The following AQP8 variants were observed in gnomAD, a reference collection of about 807,000 sequenced individuals.
AQP8 encodes the protein aquaporin-8.
In AQP8, 14 loss-of-function variants were observed where a neutral mutation model predicts 26.1. That is an observed-to-expected ratio of 0.54 (90% CI 0.35 to 0.84). The LOEUF (loss-of-function observed/expected upper bound fraction) is 0.84. Among genes scored for constraint, AQP8 ranks in the 40% least tolerant of loss-of-function variants. AQP8 has a pLI of 0.01. For synonymous variants in AQP8, 131 were observed against 150.7 expected (o/e 0.87, Z 0.96); for missense variants, 301 against 340.5 (o/e 0.88, Z 0.91).
intron 4 of AQP8, among the ~76,000 whole-genome samples, chr16:25,225,439 G>A (rs1410311578): frequency 6.6e-6 from 1 of 150,872 alleles, no homozygotes; most frequent in Non-Finnish European, 1.5e-5. Flanking sequence ...ATGCTTTGCT[G>A]CCCCCTAGTG....
chr16:25,217,120 T>A, intron 1 of AQP8, 63 bp downstream of exon 1: 1 of 1,613,648 alleles, frequency 6.2e-7, no homozygotes, highest in Non-Finnish European at 8.5e-7. Flanking sequence ...GTGAATTAAT[T>A]CAAGGTTGGG....
intron 4 of AQP8, among the ~76,000 whole-genome samples, chr16:25,226,032 A>C (rs1962628579): frequency 6.6e-6 from 1 of 152,158 alleles, no homozygotes; most frequent in Non-Finnish European, 1.5e-5. Flanking sequence ...GGAGGTTCCC[A>C]CACCTAGAAC....
At position 25,227,208 on chromosome 16, in the gene AQP8, A is replaced by C. The variant is rs1053954872; in HGVS notation, c.737+6A>C. ...CTTGTTGGACTGCTCATTAGGTAGG[A>C]GTGTGACACAGGGTCACCGGCCCAT... On this transcript the variant is annotated splice_donor_region_variant and intron_variant, in intron 5 of 5. Transcript: ENST00000219660. 5 of 1,614,070 alleles carry C rather than the reference A, an allele frequency of 3.1e-6. No homozygotes were observed. In the East Asian group the frequency reaches 6.7e-5, roughly 22 times the overall value.
intron 3 of AQP8, among the ~76,000 whole-genome samples, chr16:25,223,292 T>C (rs2141343402): frequency 6.6e-6 from 1 of 152,380 alleles, no homozygotes; most frequent in East Asian, 1.9e-4. Context: ...CGATCGCCCA[T>C]AGAAATAATT....
At chr16:25,220,508 C>T (rs1450085311) in intron 2 of AQP8, among the ~76,000 whole-genome samples, 1 of 152,144 alleles carries the variant, frequency 6.6e-6, no homozygotes, top group Admixed American at 6.5e-5. Flanking sequence ...GGTGGCTGAT[C>T]AACTGCAACC....
At chr16:25,222,734 G>A (rs1420120190) in intron 3 of AQP8, among the ~76,000 whole-genome samples, 1 of 152,066 alleles carries the variant, frequency 6.6e-6, no homozygotes, top group Non-Finnish European at 1.5e-5. Context: ...GTCTGAAGCT[G>A]TAAGTGCTGA....
rs1261923666 is a variant in AQP8 at position 25,228,470 on chromosome 16, G to A, written c.764G>A (p.Arg255His). 6 of 1,613,986 alleles carry A rather than the reference G, an allele frequency of 3.7e-6. No homozygotes were observed. The highest frequency in any genetic ancestry group is 1.7e-5 in the Admixed American group (1 of 60,012). ...IRCFIGDGKTRLILKAR is the reference protein window; with the variant it reads ...IRCFIGDGKTHLILKAR ...TGCTTCATTGGAGATGGGAAGACCC[G>A]CCTCATCCTGAAGGCTCGGTGAAGC... Residue 255 changes from arginine to histidine, a missense_variant, in exon 6 of 6, where the codon CGC becomes CAC. Coordinates refer to ENST00000219660, the MANE Select transcript of AQP8 (RefSeq NM_001169.3).
chr16:25,222,900 C>T (rs1485625598), intron 3 of AQP8, among the ~76,000 whole-genome samples: 1 of 152,252 alleles, frequency 6.6e-6, no homozygotes, highest in Non-Finnish European at 1.5e-5. Flanking sequence ...AGTGGCCAGA[C>T]TCGAGCTCAA....
chr16:25,223,314 T>C (rs559151880), intron 3 of AQP8, among the ~76,000 whole-genome samples: 17 of 152,362 alleles, frequency 1.1e-4, no homozygotes, highest in African/African-American at 3.8e-4. Flanking sequence ...AGCTCAGGCT[T>C]CAGGGCTCTC....
At chr16:25,225,655 C>T (rs527817985) in intron 4 of AQP8, among the ~76,000 whole-genome samples, 11 of 152,026 alleles carry the variant, frequency 7.2e-5, no homozygotes, top group South Asian at 4.2e-4. Flanking sequence ...ATGATCCGCC[C>T]GCCTTGGCCT....
In AQP8 at chr16:25,221,566, G is replaced by A. The variant is rs139054676; in HGVS notation, c.370G>A (p.Gly124Arg). 4.3e-6 allele frequency: 7 copies of A among 1,613,896 alleles called. No homozygotes were observed. Among genetic ancestry groups the A allele is most frequent in the African/African-American group, 1.3e-5 (1 of 74,886 alleles). The change falls in exon 3 of 6, where the codon GGG becomes AGG. Residue 124 changes from glycine to arginine, a missense_variant. Gly to Arg is a moderately radical substitution (Grantham distance 125, BLOSUM62 -2). Coordinates refer to ENST00000219660, the MANE Select transcript of AQP8 (RefSeq NM_001169.3). ...WVSQLLGGMLGAALAKAVSPE... is the reference protein window; with the variant it reads ...WVSQLLGGMLRAALAKAVSPE... Reference sequence around the variant, plus strand: ...CTCACAGCTGCTCGGGGGGATGCTCGGGGCTGCCTTGGCCAAGGTGGGTAA... The same window carrying A: ...CTCACAGCTGCTCGGGGGGATGCTCAGGGCTGCCTTGGCCAAGGTGGGTAA...
intron 2 of AQP8, among the ~76,000 whole-genome samples, chr16:25,217,829 G>A (rs1177523335): frequency 6.6e-6 from 1 of 151,728 alleles, no homozygotes. Flanking sequence ...TGCCTGGCTG[G>A]CAAGTTACTC....
chr16:25,220,039 A>C (rs528935181), intron 2 of AQP8, among the ~76,000 whole-genome samples: 22 of 151,918 alleles, frequency 1.4e-4, no homozygotes, highest in Middle Eastern at 3.4e-3. Context: ...TGTCTCAAAA[A>C]AAAAAACAAA....
At position 25,225,331 on chromosome 16, in the gene AQP8, C is replaced by G. The variant is rs186381873; in HGVS notation, c.602+755C>G. On this transcript the variant is annotated intron_variant, in intron 4 of 5. Coordinates refer to ENST00000219660, the MANE Select transcript of AQP8 (RefSeq NM_001169.3). ...CTGACTCTTTCCTTTCTTTTGGACA[C>G]AGAACCAAGTCTAACCTTTCTCCTG... Among the ~76,000 whole-genome samples the G allele has an allele frequency of 2.9e-3, 448 of 152,296 alleles. 2 individuals are homozygous for G. Among genetic ancestry groups the G allele is most frequent in the Middle Eastern group, 0.02 (6 of 294 alleles).
rs1332980013 is a variant in AQP8 at position 25,224,476 on chromosome 16, C to G, written c.502C>G (p.Leu168Val). The change falls in exon 4 of 6, where the codon CTG (leucine) becomes GTG (valine). Residue 168 changes from leucine to valine, a missense_variant. Leu to Val is a conservative substitution (Grantham distance 32). Transcript: ENST00000219660. ...GGCAGAGATCATCCTGACGACGCTGCTGGCCCTGGCTGTATGCATGGGTGC... is the reference window on the plus strand; with the variant it reads ...GGCAGAGATCATCCTGACGACGCTGGTGGCCCTGGCTGTATGCATGGGTGC... ...LVAEIILTTL[L>V]ALAVCMGAIN... The G allele has an allele frequency of 6.2e-7, 1 of 1,614,142 alleles. No homozygotes were observed. Among genetic ancestry groups the G allele is most frequent in the Admixed American group, 1.7e-5 (1 of 60,022 alleles).
chr16:25,225,951 T>C lies in AQP8; in HGVS notation c.603-1117T>C, dbSNP rs182954416. On this transcript the variant is annotated intron_variant, in intron 4 of 5. Transcript: ENST00000219660. ...TTCGAGGTGTGGGCTCCATTTGCAT[T>C]TTCTCATTCACTCCTGATGACAACC... Among the ~76,000 whole-genome samples the C allele has an allele frequency of 3.0e-4, 46 of 152,342 alleles. No individual in the cohort carries two copies. In the East Asian group the frequency reaches 6.2e-3, roughly 20 times the overall value.
intron 3 of AQP8, among the ~76,000 whole-genome samples, chr16:25,221,818 A>G (rs1240053895): frequency 6.6e-6 from 1 of 152,014 alleles, no homozygotes; most frequent in East Asian, 1.9e-4. Flanking sequence ...CCCAGGCTGG[A>G]GTGCAGTGGC....
At chr16:25,228,092 C>T (rs879725885) in intron 5 of AQP8, among the ~76,000 whole-genome samples, 1 of 151,680 alleles carries the variant, frequency 6.6e-6, no homozygotes, top group Non-Finnish European at 1.5e-5. Flanking sequence ...ATGGTTAAAA[C>T]CCTGTCTCTA....
chr16:25,217,134 C>T (rs889367059), intron 1 of AQP8, 64 bp from the exon 2 acceptor site: 23 of 1,613,114 alleles, frequency 1.4e-5, no homozygotes, highest in African/African-American at 4.0e-5. Flanking sequence ...GGTTGGGGGT[C>T]GGGGCCTTCT....
Sources: gnomAD v4.1 joint callset for allele counts (sites outside exome capture counted in the v4.1 genomes callset) on GRCh38, gnomAD v4.1.1 for gene constraint, MANE v1.5 for transcripts, NCBI Gene and HGNC (gene_info 2026-07-23, HGNC 2026-07-21) for gene names.